The following PLCB4 variants were observed in gnomAD, a reference collection of about 807,000 sequenced individuals.
PLCB4 encodes 1-phosphatidylinositol 4,5-bisphosphate phosphodiesterase beta-4.
A neutral mutation model predicts 178.8 loss-of-function variants in PLCB4; 77 were observed. That is an observed-to-expected ratio of 0.43 (90% CI 0.36 to 0.52). The LOEUF (loss-of-function observed/expected upper bound fraction) is 0.52. Among genes scored for constraint, PLCB4 ranks in the 20% least tolerant of loss-of-function variants. The pLI is 0.00. For missense variants in PLCB4, 1,024 were observed against 1,453.4 expected (o/e 0.70, Z 4.80); for synonymous variants, 496 against 490.8 (o/e 1.01, Z -0.14).
chr20:9,296,166 A>C (rs1286040239), intron 3 of PLCB4, among the ~76,000 whole-genome samples: 2 of 152,204 alleles, frequency 1.3e-5, no homozygotes, highest in Non-Finnish European at 2.9e-5. Context: ...TATAAGAAAA[A>C]AACAAACAGC....
chr20:9,285,906 G>A (rs1471337531), intron 3 of PLCB4, among the ~76,000 whole-genome samples: 1 of 152,006 alleles, frequency 6.6e-6, no homozygotes, highest in Non-Finnish European at 1.5e-5. Context: ...ATAGAACAAT[G>A]CCATAAATGC....
At chr20:9,383,372 C>T (rs949751265) in intron 13 of PLCB4, among the ~76,000 whole-genome samples, 3 of 152,032 alleles carry the variant, frequency 2.0e-5, no homozygotes, top group South Asian at 2.1e-4. Context: ...GGTGTAGGCC[C>T]GTGGCTATTC....
intron 3 of PLCB4, among the ~76,000 whole-genome samples, chr20:9,231,991 A>G (rs193105826): frequency 6.6e-6 from 1 of 152,334 alleles, no homozygotes; most frequent in East Asian, 1.9e-4. Context: ...GGTCATTGAT[A>G]CAAACAACAA....
At position 9,437,945 on chromosome 20, in the gene PLCB4, G is replaced by C. The variant is rs145458621; in HGVS notation, c.2764+793G>C. On this transcript the variant is annotated intron_variant, in intron 30 of 39. Coordinates refer to ENST00000378473, the MANE Select transcript of PLCB4 (RefSeq NM_001377142.1). ...ACACCTCATCATCAGTGTGTCCCTG[G>C]AACCATGCCTAGTTAAAATCTAGTA... Among the ~76,000 whole-genome samples, 607 of 152,236 alleles carry C rather than the reference G, an allele frequency of 4.0e-3. 7 individuals are homozygous for C. Among genetic ancestry groups the C allele is most frequent in the Non-Finnish European group, 4.1e-3 (277 of 68,016 alleles).
At chr20:9,344,699 G>A (rs781090975) in intron 7 of PLCB4, among the ~76,000 whole-genome samples, 9 of 152,150 alleles carry the variant, frequency 5.9e-5, no homozygotes, top group Non-Finnish European at 1.3e-4. Flanking sequence ...AGAACTCTGG[G>A]ATCCCGTGTG....
At chr20:9,201,227 C>A (rs1449726132) in intron 2 of PLCB4, among the ~76,000 whole-genome samples, 1 of 152,070 alleles carries the variant, frequency 6.6e-6, no homozygotes, top group Non-Finnish European at 1.5e-5. Flanking sequence ...AATGCTCCTC[C>A]CTTTGCAATT....
rs756981504 is a variant in PLCB4, at chr20:9,393,570, C to T, written c.1324-18C>T. ...AGCACAGCCCTTCCTTAATTCAGCT[C>T]TTTCTGTTTCTCTCTAGCTTGAACC... On this transcript the variant is annotated intron_variant, in intron 17 of 39. Transcript: ENST00000378473. 18 of 1,538,012 alleles carry T rather than the reference C, an allele frequency of 1.2e-5. No homozygotes were observed. Among genetic ancestry groups the T allele is most frequent in the Non-Finnish European group, 1.6e-5 (18 of 1,111,834 alleles).
chr20:9,156,313 GT>G (rs902942168), intron 2 of PLCB4, among the ~76,000 whole-genome samples: 2 of 152,152 alleles, frequency 1.3e-5, no homozygotes, highest in Admixed American at 1.3e-4. Flanking sequence ...CTCATAATAT[GT>G]AACACTGACA....
intron 4 of PLCB4, among the ~76,000 whole-genome samples, chr20:9,308,263 G>A (rs949170819): frequency 2.0e-5 from 3 of 152,188 alleles, no homozygotes; most frequent in East Asian, 1.9e-4. Flanking sequence ...AACTTTGTAT[G>A]TGTTATAAAT....
chr20:9,352,179 G>A (rs374118222), intron 7 of PLCB4, among the ~76,000 whole-genome samples: 18 of 152,102 alleles, frequency 1.2e-4, no homozygotes, highest in East Asian at 1.9e-4. Flanking sequence ...AAGATTTCTG[G>A]GGATGTAGGA....
chr20:9,191,009 G>A (rs1279747041), intron 2 of PLCB4, among the ~76,000 whole-genome samples: 1 of 152,152 alleles, frequency 6.6e-6, no homozygotes, highest in East Asian at 1.9e-4. Flanking sequence ...TAATAGTATA[G>A]TATTTTATAC....
intron 33 of PLCB4, among the ~76,000 whole-genome samples, chr20:9,454,364 C>T (rs1349777365): frequency 5.3e-5 from 8 of 152,096 alleles, no homozygotes; most frequent in Non-Finnish European, 2.9e-5. Flanking sequence ...TTTATAAATA[C>T]TTTGGGGAAA....
At chr20:9,459,375 CAG>C (rs1427506691) in intron 34 of PLCB4, among the ~76,000 whole-genome samples, 1 of 151,948 alleles carries the variant, frequency 6.6e-6, no homozygotes, top group East Asian at 1.9e-4. Flanking sequence ...AAAAACAAAA[CAG>C]AGTGTTGCTA....
chr20:9,109,378 C>G (rs1721054839), intron 2 of PLCB4, among the ~76,000 whole-genome samples: 1 of 151,912 alleles, frequency 6.6e-6, no homozygotes, highest in Admixed American at 6.6e-5. Context: ...AGCAGTCTCC[C>G]TATTTGAGAA....
At chr20:9,126,850 A>G (rs1444506946) in intron 2 of PLCB4, among the ~76,000 whole-genome samples, 1 of 149,378 alleles carries the variant, frequency 6.7e-6, no homozygotes, top group African/African-American at 2.5e-5. Context: ...TTCAGTCTTG[A>G]GAGAAAACCA....
intron 7 of PLCB4, among the ~76,000 whole-genome samples, chr20:9,357,833 GT>G (rs1746287444): frequency 6.6e-6 from 1 of 152,154 alleles, no homozygotes; most frequent in Non-Finnish European, 1.5e-5. Context: ...ATTGTATTTT[GT>G]TGTGTGTCAA....
chr20:9,392,789 G>A (rs999916160), intron 17 of PLCB4, among the ~76,000 whole-genome samples: 6 of 151,902 alleles, frequency 3.9e-5, no homozygotes, highest in Non-Finnish European at 8.8e-5. Context: ...GAAGGAAACA[G>A]CATTTCAACA....
chr20:9,136,843 G>C (rs1292808677), intron 2 of PLCB4, among the ~76,000 whole-genome samples: 2 of 152,106 alleles, frequency 1.3e-5, no homozygotes, highest in African/African-American at 4.8e-5. Context: ...TGCCCCTTGA[G>C]AGTCACTCTT....
chr20:9,254,515 T>C (rs555136969), intron 3 of PLCB4, among the ~76,000 whole-genome samples: 1 of 152,122 alleles, frequency 6.6e-6, no homozygotes, highest in East Asian at 1.9e-4. Context: ...CTGGGCAACA[T>C]GGTGAAACTC....
Sources: gnomAD v4.1 joint callset for allele counts (sites outside exome capture counted in the v4.1 genomes callset) on GRCh38, gnomAD v4.1.1 for gene constraint, MANE v1.5 for transcripts, NCBI Gene and HGNC (gene_info 2026-07-23, HGNC 2026-07-21) for gene names.